CXXC5: variants seen among roughly 807,000 people sequenced by gnomAD.
The protein encoded by CXXC5 is CXXC-type zinc finger protein 5.
A neutral mutation model predicts 17.6 loss-of-function variants in CXXC5; 2 were observed. The observed-to-expected ratio is 0.11, with a 90% CI of 0.05 to 0.36. The LOEUF (loss-of-function observed/expected upper bound fraction) is 0.36. CXXC5 is among the 10% of genes least tolerant of loss of function. The pLI is 1.00. For missense variants in CXXC5, 343 were observed against 458.3 expected (o/e 0.75, Z 2.30); for synonymous variants, 171 against 193.0 (o/e 0.89, Z 0.94).
intron 1 of CXXC5, among the ~76,000 whole-genome samples, chr5:139,669,412 AC>A (rs375392821): frequency 1.3e-5 from 2 of 151,884 alleles, no homozygotes; most frequent in Admixed American, 1.3e-4. Context: ...GCTTGGGACA[AC>A]CGCCATAGCG....
intron 1 of CXXC5, chr5:139,679,695 T>G (rs936989174): frequency 6.6e-6 from 1 of 152,174 alleles, no homozygotes; most frequent in African/African-American, 2.4e-5. Context: ...AGGATCTCAC[T>G]CTGTCATCCA....
intron 1 of CXXC5, among the ~76,000 whole-genome samples, chr5:139,672,501 T>C (rs937027035): frequency 6.6e-6 from 1 of 152,230 alleles, no homozygotes; most frequent in African/African-American, 2.4e-5. Context: ...TCTCACCTCT[T>C]CTACGGTTCA....
intron 1 of CXXC5, among the ~76,000 whole-genome samples, chr5:139,669,173 C>T (rs1581600624): frequency 6.6e-6 from 1 of 152,188 alleles, no homozygotes. Flanking sequence ...TGGGATTTTT[C>T]CTCGGGGAAG....
intron 1 of CXXC5, among the ~76,000 whole-genome samples, chr5:139,652,487 G>T (rs941114013): frequency 6.6e-6 from 1 of 152,122 alleles, no homozygotes; most frequent in Non-Finnish European, 1.5e-5. Context: ...AGTGTCAGCT[G>T]ACAGAGATGA....
In CXXC5 at chr5:139,658,681, C is replaced by G. The variant is rs1755619670; in HGVS notation, c.-161+9836C>G. On this transcript the variant is annotated intron_variant, in intron 1 of 2. Coordinates refer to ENST00000302517, the MANE Select transcript of CXXC5 (RefSeq NM_016463.9). The surrounding 1 kb of genome is among the most constrained non-coding windows in gnomAD (Gnocchi z 4.1). ...AAATGCAGGCTGTTGCTTCCAGCAA[C>G]AGCCGGCAGGGCCGGGCGGCTTCCC... is the stretch of plus-strand genomic sequence containing the variant. Among the ~76,000 whole-genome samples the G allele has an allele frequency of 6.6e-6, 1 of 152,234 alleles. No homozygotes were observed. The highest frequency in any genetic ancestry group is 2.1e-4 in the South Asian group (1 of 4,838).
chr5:139,677,922 A>C (rs577168589), intron 1 of CXXC5, among the ~76,000 whole-genome samples: 197 of 152,362 alleles, frequency 1.3e-3, no homozygotes, highest in African/African-American at 4.5e-3. Flanking sequence ...GCAGAGCCAG[A>C]TCCTGGAGCT....
chr5:139,653,340 G>A (rs1053025826), intron 1 of CXXC5, among the ~76,000 whole-genome samples: 1 of 152,206 alleles, frequency 6.6e-6, no homozygotes, highest in Non-Finnish European at 1.5e-5. Flanking sequence ...CCACCATTTG[G>A]TGGAGCCAGT....
At chr5:139,660,988 G>A (rs1176610064) in intron 1 of CXXC5, among the ~76,000 whole-genome samples, 4 of 151,916 alleles carry the variant, frequency 2.6e-5, no homozygotes, top group Non-Finnish European at 4.4e-5. Context: ...CTCAGGTTTC[G>A]ATGAAACAGG....
rs1756254636 is a variant in CXXC5 at position 139,668,500 on chromosome 5, G to A, written c.-160-11864G>A. ...ACTGCCCGCTCCAGGCCCGCTGCCC[G>A]CTCCAGGCCCGAGGTGATGGCGGCT... is the stretch of plus-strand genomic sequence containing the variant. On this transcript the variant is annotated intron_variant, in intron 1 of 2. Coordinates refer to ENST00000302517, the MANE Select transcript of CXXC5 (RefSeq NM_016463.9). This position sits in a 1 kb window ranked among gnomAD's most constrained non-coding sequence, Gnocchi z 4.1. Among the ~76,000 whole-genome samples, 1 of 151,982 alleles carries A rather than the reference G, an allele frequency of 6.6e-6. No individual in the cohort carries two copies. The highest frequency in any genetic ancestry group is 2.4e-5 in the African/African-American group (1 of 41,444).
intron 1 of CXXC5, among the ~76,000 whole-genome samples, chr5:139,678,676 C>T (rs929636685): frequency 1.3e-5 from 2 of 151,992 alleles, no homozygotes; most frequent in East Asian, 3.9e-4. Flanking sequence ...TCTGTAAATG[C>T]AGAGGGTTGG....
chr5:139,657,301 T>A (rs1213427951), intron 1 of CXXC5, among the ~76,000 whole-genome samples: 1 of 152,234 alleles, frequency 6.6e-6, no homozygotes, highest in African/African-American at 2.4e-5. Context: ...TGTTGGCCTC[T>A]GTGTGCTGTT....
intron 1 of CXXC5, among the ~76,000 whole-genome samples, chr5:139,659,345 C>A (rs1251158350): frequency 1.3e-5 from 2 of 152,180 alleles, no homozygotes; most frequent in Non-Finnish European, 2.9e-5. Context: ...CCACTGGTCT[C>A]CTGGGAGGGA....
chr5:139,683,176 C>G lies in CXXC5; in HGVS notation c.*269C>G. Reference sequence around the variant, plus strand: ...GAGGTAAAGACGAATCTATAAAGTACCGAGACTTCCTGGGCAAAGAATGGA... The same window carrying G: ...GAGGTAAAGACGAATCTATAAAGTAGCGAGACTTCCTGGGCAAAGAATGGA... On this transcript the variant is annotated 3_prime_UTR_variant, in exon 3 of 3. Coordinates refer to ENST00000302517, the MANE Select transcript of CXXC5 (RefSeq NM_016463.9). 1 of 326,260 alleles carries G rather than the reference C, an allele frequency of 3.1e-6. No individual in the cohort carries two copies. The highest frequency in any genetic ancestry group is 4.9e-5 in the East Asian group (1 of 20,282). 20.2% of individuals were successfully genotyped at this position (326,260 alleles called of 1,614,324 possible).
chr5:139,659,241 C>A (rs1254957510), intron 1 of CXXC5, among the ~76,000 whole-genome samples: 1 of 152,018 alleles, frequency 6.6e-6, no homozygotes, highest in Non-Finnish European at 1.5e-5. Flanking sequence ...TTGGTGACTC[C>A]CGGGGAAGGA....
At chr5:139,666,409 A>C (rs1419513556) in intron 1 of CXXC5, among the ~76,000 whole-genome samples, 2 of 152,154 alleles carry the variant, frequency 1.3e-5, no homozygotes, top group African/African-American at 4.8e-5. Flanking sequence ...CTCAGGGTAC[A>C]CAGAGACCCC....
chr5:139,680,860 T>C lies in CXXC5; in HGVS notation c.337T>C (p.Ser113Pro). The change falls in exon 2 of 3, where the codon TCC (serine) becomes CCC (proline). Residue 113 changes from serine to proline, a missense_variant. Ser to Pro is a moderately conservative substitution (Grantham distance 74). Around this residue, in one of 4 missense-constraint regions of CXXC5, gnomAD observed 297 missense variants for 363.4 expected, o/e 0.82. Coordinates refer to ENST00000302517, the MANE Select transcript of CXXC5 (RefSeq NM_016463.9). ...DKATAAAAAASLLANGHDLAA... is the reference protein window; with the variant it reads ...DKATAAAAAAPLLANGHDLAA... ...GGCCACTGCGGCTGCAGCCGCTGCCTCCCTGTTGGCCAATGGGCATGACCT... is the reference window on the plus strand; with the variant it reads ...GGCCACTGCGGCTGCAGCCGCTGCCCCCCTGTTGGCCAATGGGCATGACCT... 6.2e-7 allele frequency: 1 copy of C among 1,609,782 alleles called. No homozygotes were observed. Among genetic ancestry groups the C allele is most frequent in the African/African-American group, 1.3e-5 (1 of 75,058 alleles).
At chr5:139,667,630 C>G (rs918821665) in intron 1 of CXXC5, among the ~76,000 whole-genome samples, 2 of 152,162 alleles carry the variant, frequency 1.3e-5, no homozygotes, top group African/African-American at 4.8e-5. Context: ...CCTGCAGCTC[C>G]TGACCCTCCT....
At position 139,683,118 on chromosome 5, in the gene CXXC5, A is replaced by T. The variant is rs552295878; in HGVS notation, c.*211A>T. 16 of 410,318 alleles carry T rather than the reference A, an allele frequency of 3.9e-5. No homozygotes were observed. Among genetic ancestry groups the T allele is most frequent in the Non-Finnish European group, 6.3e-5 (15 of 237,718 alleles). 25.4% of individuals were successfully genotyped at this position (410,318 alleles called of 1,614,324 possible). A position where few individuals can be genotyped will look rare whatever the true frequency, so the allele number is the denominator to read the frequency against. ...CATAAAAAGAAAAAGAAAAAAATTTAAACTGCTTTTTCGGAAGAACAACAA... is the reference window on the plus strand; with the variant it reads ...CATAAAAAGAAAAAGAAAAAAATTTTAACTGCTTTTTCGGAAGAACAACAA... On this transcript the variant is annotated 3_prime_UTR_variant, in exon 3 of 3. Transcript: ENST00000302517.
At chr5:139,681,576 G>T (rs1178441382) in intron 2 of CXXC5, 129 bp downstream of exon 2, 9 of 1,162,788 alleles carry the variant, frequency 7.7e-6, no homozygotes, top group Non-Finnish European at 2.4e-6. Context: ...CCAGTCCTTG[G>T]GGCCTGGGGG....
Sources: gnomAD v4.1 joint callset for allele counts (sites outside exome capture counted in the v4.1 genomes callset) on GRCh38, gnomAD v4.1.1 for gene constraint, gnomAD v4.1.1 regional missense constraint, Gnocchi (gnomAD v3.1) non-coding constraint, MANE v1.5 for transcripts, NCBI Gene and HGNC (gene_info 2026-07-23, HGNC 2026-07-21) for gene names.